Variants in KIAA0825 observed in about 807,000 individuals in gnomAD.
The protein encoded by KIAA0825 is uncharacterized protein KIAA0825.
Under a neutral mutation model 147.6 loss-of-function variants are expected in KIAA0825, and 119 were observed. The ratio of observed to expected loss-of-function variants is 0.81; its 90% confidence interval spans 0.69 to 0.94. The LOEUF is 0.94. Among genes scored for constraint, KIAA0825 ranks in the 40% least tolerant of loss-of-function variants. The pLI, the probability that KIAA0825 is intolerant of heterozygous loss-of-function variation, is 0.00. For synonymous variants in KIAA0825, 470 were observed against 518.1 expected (o/e 0.91, Z 1.26); for missense variants, 1,381 against 1,472.7 (o/e 0.94, Z 1.02).
At chr5:94,453,492 A>G (rs1758699714) in intron 12 of KIAA0825, among the ~76,000 whole-genome samples, 1 of 151,938 alleles carries the variant, frequency 6.6e-6, no homozygotes, top group African/African-American at 2.4e-5. Context: ...CGGCTCAGTT[A>G]AAGATTTTTA....
chr5:94,508,729 T>C (rs929316839), intron 5 of KIAA0825, among the ~76,000 whole-genome samples: 10 of 152,122 alleles, frequency 6.6e-5, no homozygotes, highest in African/African-American at 2.4e-4. Context: ...CCCCTATGGA[T>C]TGCACTTATT....
chr5:94,252,466 T>TAGAG (rs927581654), intron 20 of KIAA0825, among the ~76,000 whole-genome samples: 3 of 151,158 alleles, frequency 2.0e-5, no homozygotes, highest in Non-Finnish European at 3.0e-5. Flanking sequence ...TATATATATA[T>TAGAG]AGAGAGAGAG....
At chr5:94,299,699 TA>T (rs1778299208) in intron 20 of KIAA0825, among the ~76,000 whole-genome samples, 1 of 152,176 alleles carries the variant, frequency 6.6e-6, no homozygotes, top group South Asian at 2.1e-4. Flanking sequence ...ATGGTGCTAA[TA>T]ATAATTATAG....
intron 3 of KIAA0825, among the ~76,000 whole-genome samples, chr5:94,529,240 A>G (rs190425321): frequency 8.6e-4 from 109 of 126,738 alleles, no homozygotes; most frequent in African/African-American, 2.0e-3. Flanking sequence ...ATATATGTAT[A>G]TATACATATA....
chr5:94,281,210 C>CACAT (rs1478913452), intron 20 of KIAA0825, among the ~76,000 whole-genome samples: 2 of 137,584 alleles, frequency 1.5e-5, no homozygotes, highest in African/African-American at 6.2e-5. Context: ...CACACACACA[C>CACAT]ACACACACAC....
intron 7 of KIAA0825, among the ~76,000 whole-genome samples, chr5:94,474,570 T>C (rs1761626146): frequency 6.6e-6 from 1 of 152,182 alleles, no homozygotes. Context: ...AAGCCTAATT[T>C]TCTTATATGT....
chr5:94,479,992 CAT>C (rs1440302643), intron 6 of KIAA0825, among the ~76,000 whole-genome samples: 1 of 152,016 alleles, frequency 6.6e-6, no homozygotes, highest in Non-Finnish European at 1.5e-5. Context: ...AGTTCTTTAT[CAT>C]ATATGTGTTT....
intron 5 of KIAA0825, among the ~76,000 whole-genome samples, chr5:94,493,807 C>A (rs956476592): frequency 6.6e-6 from 1 of 151,958 alleles, no homozygotes; most frequent in African/African-American, 2.4e-5. Context: ...ATTTTTTATA[C>A]CTTCTTTCTC....
intron 11 of KIAA0825, among the ~76,000 whole-genome samples, chr5:94,463,085 C>G (rs1418806669): frequency 1.3e-5 from 2 of 151,678 alleles, no homozygotes; most frequent in Non-Finnish European, 3.0e-5. Context: ...ATCGAGAAGC[C>G]TATAGTTTCA....
At chr5:94,436,376 T>C (rs1756374846) in intron 14 of KIAA0825, among the ~76,000 whole-genome samples, 1 of 152,212 alleles carries the variant, frequency 6.6e-6, no homozygotes, top group African/African-American at 2.4e-5. Context: ...ATTTATTAAA[T>C]AGGGAATCCT....
At chr5:94,187,658 C>T (rs1261564179) in intron 20 of KIAA0825, among the ~76,000 whole-genome samples, 1 of 151,962 alleles carries the variant, frequency 6.6e-6, no homozygotes, top group Admixed American at 6.5e-5. Flanking sequence ...ATCTCCTGAC[C>T]TCGCGATCCG....
chr5:94,289,392 G>A (rs754035975), intron 20 of KIAA0825, among the ~76,000 whole-genome samples: 35 of 151,898 alleles, frequency 2.3e-4, no homozygotes, highest in Middle Eastern at 6.8e-3. Flanking sequence ...ATAATTAACC[G>A]GGCATGGTGG....
At chr5:94,459,145 T>C (rs142338031) in intron 12 of KIAA0825, among the ~76,000 whole-genome samples, 1 of 152,324 alleles carries the variant, frequency 6.6e-6, no homozygotes, top group East Asian at 1.9e-4. Context: ...GCAGCACATA[T>C]CAGCACTTTA....
intron 2 of KIAA0825, among the ~76,000 whole-genome samples, chr5:94,558,112 G>T (rs1776899395): frequency 6.6e-6 from 1 of 152,086 alleles, no homozygotes; most frequent in Non-Finnish European, 1.5e-5. Context: ...ATGACCCACA[G>T]CTTCTAATAG....
At chr5:94,402,935 A>G (rs1046126637) in intron 16 of KIAA0825, among the ~76,000 whole-genome samples, 1 of 152,100 alleles carries the variant, frequency 6.6e-6, no homozygotes, top group African/African-American at 2.4e-5. Flanking sequence ...AAACTATTTA[A>G]GAAGAGAGGA....
intron 4 of KIAA0825, among the ~76,000 whole-genome samples, chr5:94,523,673 T>C (rs1768671438): frequency 1.3e-5 from 2 of 151,506 alleles, no homozygotes; most frequent in South Asian, 4.1e-4. Flanking sequence ...ATATATATCA[T>C]ACCACAAATC....
At chr5:94,546,482 A>G (rs1362336370) in intron 2 of KIAA0825, among the ~76,000 whole-genome samples, 2 of 151,704 alleles carry the variant, frequency 1.3e-5, no homozygotes, top group Non-Finnish European at 2.9e-5. Flanking sequence ...AGGGGTGCTT[A>G]TATTACCCCA....
chr5:94,497,217 C>G (rs1407558931), intron 5 of KIAA0825, among the ~76,000 whole-genome samples: 3 of 152,034 alleles, frequency 2.0e-5, no homozygotes. Context: ...AAATGAAGAA[C>G]AAAGTATGGG....
At chr5:94,424,320 G>T (rs1754563186) in intron 14 of KIAA0825, among the ~76,000 whole-genome samples, 1 of 151,918 alleles carries the variant, frequency 6.6e-6, no homozygotes, top group Non-Finnish European at 1.5e-5. Flanking sequence ...TTTTAAAAAT[G>T]AAAATCATAA....
Sources: gnomAD v4.1 joint callset for allele counts (sites outside exome capture counted in the v4.1 genomes callset) on GRCh38, gnomAD v4.1.1 for gene constraint, MANE v1.5 for transcripts, NCBI Gene and HGNC (gene_info 2026-07-23, HGNC 2026-07-21) for gene names.